Variants in ADAMTS20 observed in about 807,000 individuals in gnomAD.
ADAMTS20 encodes the protein A disintegrin and metalloproteinase with thrombospondin motifs 20.
In ADAMTS20, 225 loss-of-function variants were observed where a neutral mutation model predicts 260.1. That is an observed-to-expected ratio of 0.87 (90% confidence interval 0.78 to 0.97). ADAMTS20 has a LOEUF of 0.97. ADAMTS20 is among the 50% of genes least tolerant of loss of function. ADAMTS20 has a pLI of 0.00. For missense variants in ADAMTS20, 2,400 were observed against 2,337.7 expected, an observed-to-expected ratio of 1.03 and a Z score of -0.55; for synonymous variants, 802 against 769.5, an observed-to-expected ratio of 1.04 and a Z score of -0.70.
intron 7 of ADAMTS20, among the ~76,000 whole-genome samples, chr12:43,478,708 T>C (rs950502203): frequency 1.3e-5 from 2 of 152,162 alleles, no homozygotes; most frequent in African/African-American, 4.8e-5. Flanking sequence ...AACACAATCA[T>C]ATATTCAAGA....
chr12:43,386,065 T>A (rs184466852), intron 29 of ADAMTS20, among the ~76,000 whole-genome samples: 138 of 152,318 alleles, frequency 9.1e-4, no homozygotes, highest in Middle Eastern at 6.8e-3. Context: ...TTAGTCTGGC[T>A]AGCGGTCTAC....
intron 16 of ADAMTS20, among the ~76,000 whole-genome samples, chr12:43,440,338 G>A (rs1325051768): frequency 3.3e-5 from 5 of 151,914 alleles, no homozygotes; most frequent in African/African-American, 4.8e-5. Flanking sequence ...TAGTAGAGAC[G>A]GGGTTTTGCC....
At chr12:43,492,088 TAAG>T (rs1247970967) in intron 6 of ADAMTS20, among the ~76,000 whole-genome samples, 5 of 152,268 alleles carry the variant, frequency 3.3e-5, no homozygotes, top group Admixed American at 6.5e-5. Flanking sequence ...AACAAAGAAT[TAAG>T]AAGAAGTGGC....
intron 37 of ADAMTS20, among the ~76,000 whole-genome samples, chr12:43,359,250 T>C (rs1244344062): frequency 6.6e-6 from 1 of 152,236 alleles, no homozygotes; most frequent in Admixed American, 6.5e-5. Flanking sequence ...GGAATGTTTA[T>C]TCTTGAGTAA....
At chr12:43,426,975 CAGCCTG>C (rs1363301571) in intron 27 of ADAMTS20, among the ~76,000 whole-genome samples, 1 of 151,940 alleles carries the variant, frequency 6.6e-6, no homozygotes, top group Non-Finnish European at 1.5e-5. Context: ...AGTTTGAGAC[CAGCCTG>C]GTCAACATGG....
intron 4 of ADAMTS20, among the ~76,000 whole-genome samples, chr12:43,501,475 G>GCACACACACACACACA (rs1353322850): frequency 0.012 from 680 of 59,042 alleles, 7 homozygotes; most frequent in African/African-American, 0.034. Flanking sequence ...GCGCGCGCGC[G>GCACACACACACACACA]CGCGCGCACA....
chr12:43,433,308 T>C (rs1941485355), intron 19 of ADAMTS20, among the ~76,000 whole-genome samples: 2 of 152,198 alleles, frequency 1.3e-5, no homozygotes, highest in South Asian at 4.1e-4. Flanking sequence ...AGGTAAAACA[T>C]GTCTTCCACA....
chr12:43,552,062 G>T lies in ADAMTS20; in HGVS notation c.-141C>A. ...AGCAGCCTAGGGAACAGCAGCGCGGGCCCTGGGCCGGCTGGTCCAGCCACA... is the reference window on the plus strand; with the variant it reads ...AGCAGCCTAGGGAACAGCAGCGCGGTCCCTGGGCCGGCTGGTCCAGCCACA... On this transcript the variant is annotated 5_prime_UTR_variant, in exon 1 of 39. Coordinates refer to ENST00000389420, the MANE Select transcript of ADAMTS20 (RefSeq NM_025003.5). The T allele has an allele frequency of 1.5e-6, 1 of 681,898 alleles. No individual in the cohort carries two copies. Among genetic ancestry groups the T allele is most frequent in the Non-Finnish European group, 2.5e-6 (1 of 398,378 alleles). The allele number at this position is 681,898 out of a possible 1,614,324, so 42.2% of individuals were successfully genotyped here. A position where few individuals can be genotyped will look rare whatever the true frequency, so the allele number is the denominator to read the frequency against.
At position 43,548,742 on chromosome 12, in the gene ADAMTS20, T is replaced by G. The variant is rs188557330; in HGVS notation, c.453+2167A>C. Among the ~76,000 whole-genome samples the G allele has an allele frequency of 1.8e-3, 272 of 152,244 alleles. 1 individual carries two copies. The highest frequency in any genetic ancestry group is 2.4e-3 in the Non-Finnish European group (165 of 67,982). On this transcript the variant is annotated intron_variant, in intron 2 of 38. Coordinates refer to ENST00000389420, the MANE Select transcript of ADAMTS20 (RefSeq NM_025003.5). ...TGAAAAAAATGTAGATCTTGATACC[T>G]CTAGTTATTTCCAATGTTACTGGAA...
At chr12:43,477,362 T>A (rs1385495112) in intron 7 of ADAMTS20, among the ~76,000 whole-genome samples, 3 of 152,102 alleles carry the variant, frequency 2.0e-5, no homozygotes, top group Non-Finnish European at 4.4e-5. Context: ...AAGAAATATA[T>A]TCAGTAGATT....
intron 36 of ADAMTS20, among the ~76,000 whole-genome samples, chr12:43,373,445 GGAA>G (rs1394000413): frequency 6.6e-6 from 1 of 152,008 alleles, no homozygotes; most frequent in African/African-American, 2.4e-5. Flanking sequence ...GGGCCACACT[GGAA>G]GAAGAATTGT....
chr12:43,434,232 A>G lies in ADAMTS20; in HGVS notation c.2720+13T>C, dbSNP rs745549649. The stretch of plus-strand genomic sequence containing the variant: ...TATTAATCTGGTTATATTACATATT[A>G]TTTCTCTTTTACCTTAGTTCACAGT... On this transcript the variant is annotated intron_variant, in intron 19 of 38. Transcript: ENST00000389420. 1 of 1,561,964 alleles carries G rather than the reference A, an allele frequency of 6.4e-7. No homozygotes were observed. Among genetic ancestry groups the G allele is most frequent in the East Asian group, 2.4e-5 (1 of 42,434 alleles).
rs1177077679 is a variant in ADAMTS20, at chr12:43,425,682, T to C, written c.4116A>G (p.Gln1372=). ...WNYGNWGECS[Q]TCGGGIKSRL... is the part of the protein sequence containing the mutation. ...TTGATTTTATTCCTCCTCCACATGT[T>C]TGTGAACACTAAAAACAAGAATAGG... The change falls in exon 28 of 39, where the codon CAA becomes CAG. Residue 1372 remains glutamine, a synonymous_variant. Coordinates refer to ENST00000389420, the MANE Select transcript of ADAMTS20 (RefSeq NM_025003.5). The C allele has an allele frequency of 6.3e-7, 1 of 1,586,038 alleles. No individual in the cohort carries two copies. Among genetic ancestry groups the C allele is most frequent in the Non-Finnish European group, 8.6e-7 (1 of 1,161,772 alleles).
At chr12:43,375,628 C>T (rs912613329) in intron 35 of ADAMTS20, 116 bp from the exon 36 acceptor site, 1 of 1,152,540 alleles carries the variant, frequency 8.7e-7, no homozygotes, top group Non-Finnish European at 1.2e-6. Context: ...ATAGTGTCAA[C>T]AAGTTAAACA....
chr12:43,400,918 G>A (rs1178239291), intron 28 of ADAMTS20, among the ~76,000 whole-genome samples: 1 of 151,916 alleles, frequency 6.6e-6, no homozygotes, highest in Non-Finnish European at 1.5e-5. Context: ...GAATAGTCAT[G>A]CAAAGATTCA....
Sources: allele counts gnomAD v4.1 joint callset (sites outside exome capture counted in the v4.1 genomes callset), GRCh38; gene constraint gnomAD v4.1.1; transcripts MANE v1.5; gene names NCBI Gene and HGNC (gene_info 2026-07-23, HGNC 2026-07-21).